SPHKAP: variants seen among roughly 807,000 people sequenced by gnomAD.
SPHKAP encodes the protein SPHK1 interactor, AKAP domain containing.
SPHKAP carries 67 observed loss-of-function variants against 137.5 expected under a neutral mutation model. The ratio of observed to expected loss-of-function variants is 0.49; its 90% CI spans 0.40 to 0.60. The LOEUF (loss-of-function observed/expected upper bound fraction) is 0.60, where lower values mean the gene tolerates loss of function less well. Among genes scored for constraint, SPHKAP ranks in the 20% least tolerant of loss-of-function variants. The pLI, the probability that SPHKAP is intolerant of heterozygous loss-of-function variation, is 0.00. For missense variants in SPHKAP, 2,097 were observed against 2,069.3 expected, an observed-to-expected ratio of 1.01 and a Z score of -0.26; for synonymous variants, 813 against 785.3, an observed-to-expected ratio of 1.04 and a Z score of -0.59.
At position 228,048,638 on chromosome 2, in the gene SPHKAP, T is replaced by C. The variant is rs114245040; in HGVS notation, c.247-21095A>G. Among the ~76,000 whole-genome samples the C allele has an allele frequency of 5.2e-3, 787 of 152,260 alleles. 5 individuals carry two copies. The highest frequency in any genetic ancestry group is 6.5e-3 in the Admixed American group (99 of 15,290). On this transcript the variant is annotated intron_variant, in intron 3 of 11. Transcript: ENST00000392056. ...TCTCTAGACTCACAAATACTTACCATTGTGTTACAATTGCCAACAGTATTC... is the reference window on the plus strand; with the variant it reads ...TCTCTAGACTCACAAATACTTACCACTGTGTTACAATTGCCAACAGTATTC...
intron 2 of SPHKAP, among the ~76,000 whole-genome samples, chr2:228,125,437 A>G (rs1455294414): frequency 6.6e-6 from 1 of 152,242 alleles, no homozygotes; most frequent in African/African-American, 2.4e-5. Flanking sequence ...TTCATTGAGC[A>G]TCAATTATGT....
intron 3 of SPHKAP, among the ~76,000 whole-genome samples, chr2:228,075,868 C>G (rs547385634): frequency 1.3e-5 from 2 of 152,050 alleles, no homozygotes; most frequent in Non-Finnish European, 2.9e-5. Context: ...ATAAAAATTT[C>G]AAAACAAATC....
At chr2:228,048,604 G>A (rs1426961684) in intron 3 of SPHKAP, among the ~76,000 whole-genome samples, 1 of 151,998 alleles carries the variant, frequency 6.6e-6, no homozygotes, top group African/African-American at 2.4e-5. Flanking sequence ...TTTTTTTAAT[G>A]TTCAGGTATC....
At chr2:228,025,298 G>C in intron 5 of SPHKAP, 96 bp downstream of exon 5, 2 of 1,276,994 alleles carry the variant, frequency 1.6e-6, no homozygotes, top group Non-Finnish European at 2.1e-6. Flanking sequence ...CTATGTTACA[G>C]AAGCTTATGT....
chr2:228,132,228 T>C (rs937194347), intron 1 of SPHKAP, 143 bp from the exon 2 acceptor site: 2 of 728,348 alleles, frequency 2.7e-6, no homozygotes, highest in Non-Finnish European at 4.6e-6. Flanking sequence ...CCTGCTGAAA[T>C]GGACATTTCT....
Position 228,017,934 on chromosome 2 carries a change from C to T in SPHKAP, c.2920G>A (p.Val974Ile), listed in dbSNP as rs767880302. 25 of 1,614,002 alleles carry T rather than the reference C, an allele frequency of 1.5e-5. No homozygotes were observed. Among genetic ancestry groups the T allele is most frequent in the East Asian group, 4.5e-5 (2 of 44,874 alleles). Residue 974 changes from valine to isoleucine, a missense_variant, in exon 7 of 12, where the codon GTA becomes ATA. Val to Ile is a conservative substitution (Grantham distance 29). Transcript: ENST00000392056. ...RGSEFLMTPNVPCRSLKRKKE... is the reference protein window; with the variant it reads ...RGSEFLMTPNIPCRSLKRKKE... Reference sequence around the variant, plus strand: ...TTCCTCTTCAAGGATCGGCAGGGTACGTTGGGTGTCATCAGAAACTCACTC... The same window carrying T: ...TTCCTCTTCAAGGATCGGCAGGGTATGTTGGGTGTCATCAGAAACTCACTC...
chr2:228,162,723 A>C (rs1380966735), intron 1 of SPHKAP, among the ~76,000 whole-genome samples: 2 of 151,940 alleles, frequency 1.3e-5, no homozygotes, highest in African/African-American at 4.8e-5. Flanking sequence ...TTTTAGACGG[A>C]GTTTTACTCT....
rs758635656 is a variant in SPHKAP, at chr2:228,018,223, C to G, written c.2631G>C (p.Glu877Asp). ...TTTCTTGGGTGTTTGGGTGGATACTCTCCTCAGCCTCCTGGGAACCACTTC... is the reference window on the plus strand; with the variant it reads ...TTTCTTGGGTGTTTGGGTGGATACTGTCCTCAGCCTCCTGGGAACCACTTC... Reference protein sequence around the residue: ...QSRSGSQEAEESIHPNTQEKY... With the variant: ...QSRSGSQEAEDSIHPNTQEKY... The change falls in exon 7 of 12, where the codon GAG (glutamate) becomes GAC (aspartate). Residue 877 changes from glutamate to aspartate, a missense_variant. Physicochemically the swap from Glu to Asp is conservative, Grantham distance 45 (BLOSUM62 2). Coordinates refer to ENST00000392056, the MANE Select transcript of SPHKAP (RefSeq NM_001142644.2). 1 of 1,614,128 alleles carries G rather than the reference C, an allele frequency of 6.2e-7. No individual in the cohort carries two copies. The highest frequency in any genetic ancestry group is 8.5e-7 in the Non-Finnish European group (1 of 1,180,004).
intron 7 of SPHKAP, among the ~76,000 whole-genome samples, chr2:228,014,104 G>T (rs1037046952): frequency 6.6e-6 from 1 of 152,090 alleles, no homozygotes; most frequent in Non-Finnish European, 1.5e-5. Flanking sequence ...ATTCATAATT[G>T]TATTATGAAT....
chr2:228,015,259 T>C (rs970727687), intron 7 of SPHKAP, among the ~76,000 whole-genome samples: 3 of 150,910 alleles, frequency 2.0e-5, no homozygotes, highest in Non-Finnish European at 4.4e-5. Context: ...CTCATCATTT[T>C]TTTATGGCTG....
chr2:228,145,632 G>A (rs1323941952), intron 1 of SPHKAP, among the ~76,000 whole-genome samples: 1 of 152,052 alleles, frequency 6.6e-6, no homozygotes, highest in Admixed American at 6.6e-5. Flanking sequence ...CATCATGAAT[G>A]CATTTTCCAA....
chr2:227,983,552 C>G (rs1326918481), intron 11 of SPHKAP, among the ~76,000 whole-genome samples: 1 of 151,928 alleles, frequency 6.6e-6, no homozygotes, highest in African/African-American at 2.4e-5. Context: ...AGTAGGTGCT[C>G]CATGCATATT....
chr2:228,114,160 G>C (rs952958678), intron 2 of SPHKAP, among the ~76,000 whole-genome samples: 2 of 152,102 alleles, frequency 1.3e-5, no homozygotes, highest in Admixed American at 6.6e-5. Context: ...TTTAGATGAA[G>C]AGCTAATAAT....
chr2:228,179,807 G>A (rs912107666), intron 1 of SPHKAP, among the ~76,000 whole-genome samples: 4 of 152,168 alleles, frequency 2.6e-5, no homozygotes, highest in Admixed American at 2.0e-4. Flanking sequence ...GGCACAATGT[G>A]TTTCTAGTAA....
intron 2 of SPHKAP, among the ~76,000 whole-genome samples, chr2:228,111,389 C>T (rs991014810): frequency 2.6e-5 from 4 of 152,064 alleles, no homozygotes; most frequent in Admixed American, 6.6e-5. Context: ...GCCATGGAAA[C>T]GGTAAGCTAT....
At chr2:228,083,943 G>T (rs1033605341) in intron 3 of SPHKAP, among the ~76,000 whole-genome samples, 1 of 151,984 alleles carries the variant, frequency 6.6e-6, no homozygotes, top group African/African-American at 2.4e-5. Flanking sequence ...GGGGTGCAGG[G>T]CAAGGGGAGG....
chr2:228,072,845 C>G (rs1456354559), intron 3 of SPHKAP, among the ~76,000 whole-genome samples: 1 of 152,202 alleles, frequency 6.6e-6, no homozygotes, highest in African/African-American at 2.4e-5. Flanking sequence ...GAGCAAGCTT[C>G]CAGTTGGTTC....
chr2:228,169,976 T>C (rs1700535074), intron 1 of SPHKAP: 1 of 151,956 alleles, frequency 6.6e-6, no homozygotes, highest in African/African-American at 2.4e-5. Flanking sequence ...TGAACATTCA[T>C]GATTCATGAG....
intron 3 of SPHKAP, among the ~76,000 whole-genome samples, chr2:228,052,609 G>T (rs952417267): frequency 1.3e-5 from 2 of 152,150 alleles, no homozygotes; most frequent in Non-Finnish European, 2.9e-5. Flanking sequence ...AATCAAAAGT[G>T]AGGGTTAGAA....
Sources: allele counts gnomAD v4.1 joint callset (sites outside exome capture counted in the v4.1 genomes callset), GRCh38; gene constraint gnomAD v4.1.1; transcripts MANE v1.5; gene names NCBI Gene and HGNC (gene_info 2026-07-23, HGNC 2026-07-21).